Variants in KIN observed in about 807,000 individuals in gnomAD.
KIN encodes DNA/RNA-binding protein KIN17.
Under a neutral mutation model 63.0 loss-of-function variants are expected in KIN, and 47 were observed. The ratio of observed to expected loss-of-function variants is 0.75; its 90% CI spans 0.59 to 0.95. KIN has a LOEUF of 0.95. Ranked by LOEUF, KIN falls within the 40% of genes least tolerant of loss-of-function variation. The pLI is 0.00. For synonymous variants in KIN, 160 were observed against 157.7 expected, an observed-to-expected ratio of 1.01 and a Z score of -0.11; for missense variants, 408 against 460.9, an observed-to-expected ratio of 0.89 and a Z score of 1.05.
Position 7,756,959 on chromosome 10 carries a change from T to C in KIN, c.1120-817A>G, listed in dbSNP as rs956229077. The stretch of plus-strand genomic sequence containing the variant: ...AACCTGGGAACACAGAGGCTAAGAA[T>C]ATGGGCTGTGAACCTACACTCCCCA... On this transcript the variant is annotated intron_variant, in intron 12 of 12. Coordinates refer to ENST00000379562, the MANE Select transcript of KIN (RefSeq NM_012311.4). Among the ~76,000 whole-genome samples, 3 of 152,292 alleles carry C rather than the reference T, an allele frequency of 2.0e-5. No homozygotes were observed. The East Asian group carries it at 5.8e-4, about 29-fold the overall frequency.
chr10:7,760,904 C>T (rs1835424202), intron 11 of KIN, among the ~76,000 whole-genome samples: 2 of 152,294 alleles, frequency 1.3e-5, no homozygotes, highest in South Asian at 2.1e-4. Flanking sequence ...ACTACAGATA[C>T]GTTCCACCAC....
chr10:7,762,317 C>G (rs1564315435), intron 11 of KIN, 140 bp downstream of exon 11: 1 of 487,296 alleles, frequency 2.1e-6, no homozygotes, highest in Non-Finnish European at 3.6e-6. Flanking sequence ...TGAATCCAAA[C>G]AGAGATGAGT....
chr10:7,763,756 T>C lies in KIN; in HGVS notation c.885A>G (p.Gly295=), dbSNP rs779202394. ...TAGCCTTTTTCTTATGATATTTCTCTCCCAGTTTCTTGGTTATAATTTTCA... is the reference window on the plus strand; with the variant it reads ...TAGCCTTTTTCTTATGATATTTCTCCCCCAGTTTCTTGGTTATAATTTTCA... The part of the protein sequence containing the change: ...IIVKIITKKL[G]EKYHKKKAIV... The change falls in exon 10 of 13, where the codon GGA becomes GGG. Residue 295 remains glycine, a synonymous_variant. Transcript: ENST00000379562. 1 of 1,460,758 alleles carries C rather than the reference T, an allele frequency of 6.8e-7. No individual in the cohort carries two copies. 90.5% of individuals were successfully genotyped at this position (1,460,758 alleles called of 1,614,324 possible).
At chr10:7,769,378 G>A in intron 7 of KIN, 33 bp from the exon 8 acceptor site, 2 of 1,600,624 alleles carry the variant, frequency 1.2e-6, no homozygotes, top group Non-Finnish European at 1.7e-6. Flanking sequence ...TTGTTACCAA[G>A]AACCATACAC....
At chr10:7,785,012 G>A (rs1835970178) in intron 1 of KIN, among the ~76,000 whole-genome samples, 1 of 152,118 alleles carries the variant, frequency 6.6e-6, no homozygotes, top group South Asian at 2.1e-4. Context: ...CACTTTGGGA[G>A]GCCGAGGCAG....
chr10:7,762,398 G>T, intron 11 of KIN, 59 bp downstream of exon 11: 2 of 970,648 alleles, frequency 2.1e-6, no homozygotes, highest in Non-Finnish European at 1.6e-6. Context: ...ACAGTGGTTT[G>T]AAAATGGAAC....
At chr10:7,773,332 A>G (rs571334111) in intron 7 of KIN, among the ~76,000 whole-genome samples, 1 of 152,186 alleles carries the variant, frequency 6.6e-6, no homozygotes. Context: ...AAACTAATAC[A>G]AGGGAGGTCA....
chr10:7,783,179 C>T lies in KIN; in HGVS notation c.115-4G>A. 1 of 1,549,522 alleles carries T rather than the reference C, an allele frequency of 6.5e-7. No homozygotes were observed. The highest frequency in any genetic ancestry group is 8.8e-7 in the Non-Finnish European group (1 of 1,141,722). On this transcript the variant is annotated splice_polypyrimidine_tract_variant and splice_region_variant and intron_variant, in intron 1 of 12. Coordinates refer to ENST00000379562, the MANE Select transcript of KIN (RefSeq NM_012311.4). ...TACAATGACACTTAAAGCCATTCTA[C>T]AAAAAATGTAAAAGCAATAAATTCT...
chr10:7,759,850 A>C (rs762209113), intron 12 of KIN, 40 bp downstream of exon 12: 1 of 1,011,310 alleles, frequency 9.9e-7, no homozygotes. Flanking sequence ...CACATTTTTA[A>C]AGCATTTTGA....
chr10:7,785,517 G>A (rs1835983308), intron 1 of KIN, among the ~76,000 whole-genome samples: 1 of 152,104 alleles, frequency 6.6e-6, no homozygotes, highest in African/African-American at 2.4e-5. Context: ...AGACGGCTGG[G>A]CGCAGTGGTT....
intron 1 of KIN, 106 bp downstream of exon 1, chr10:7,787,713 CG>C: frequency 1.2e-6 from 1 of 846,454 alleles, no homozygotes. Context: ...CCTCACGACC[CG>C]GACCCCGGGA....
chr10:7,763,538 A>G (rs1835479522), intron 10 of KIN, among the ~76,000 whole-genome samples, 185 bp downstream of exon 10: 3 of 152,220 alleles, frequency 2.0e-5, no homozygotes, highest in Admixed American at 2.0e-4. Flanking sequence ...CTGAGTAGAA[A>G]CTATGGATGA....
intron 11 of KIN, 78 bp from the exon 12 acceptor site, chr10:7,760,068 C>T: frequency 1.5e-6 from 1 of 686,352 alleles, no homozygotes; most frequent in Non-Finnish European, 2.5e-6. Flanking sequence ...GCAAAATGTA[C>T]TACACTGAAT....
At chr10:7,787,770 G>T (rs1165332778) in intron 1 of KIN, 50 bp downstream of exon 1, 2 of 1,420,060 alleles carry the variant, frequency 1.4e-6, no homozygotes, top group South Asian at 2.3e-5. Flanking sequence ...CCTGATCCTG[G>T]ATTGCCAGGG....
At chr10:7,776,816 G>A (rs921065425) in intron 5 of KIN, among the ~76,000 whole-genome samples, 2 of 150,594 alleles carry the variant, frequency 1.3e-5, no homozygotes, top group African/African-American at 4.9e-5. Flanking sequence ...TTGGGAGGTC[G>A]AGCTCAGGCA....
intron 1 of KIN, among the ~76,000 whole-genome samples, chr10:7,787,239 C>T (rs1026475409): frequency 2.0e-5 from 3 of 152,200 alleles, no homozygotes; most frequent in Non-Finnish European, 4.4e-5. Flanking sequence ...TTGCCCAAGA[C>T]CACACGGTTG....
At chr10:7,780,356 A>G in intron 2 of KIN, 49 bp from the exon 3 acceptor site, 1 of 1,451,460 alleles carries the variant, frequency 6.9e-7, no homozygotes, top group East Asian at 2.3e-5. Flanking sequence ...ACAAACATAT[A>G]GCATCATCTT....
intron 7 of KIN, among the ~76,000 whole-genome samples, chr10:7,769,927 A>G (rs1475026496): frequency 1.3e-5 from 2 of 152,106 alleles, no homozygotes; most frequent in Non-Finnish European, 2.9e-5. Context: ...GCCCAGAGTT[A>G]ACAGTGTAAA....
chr10:7,752,570 AC>A lies in KIN; in HGVS notation c.*3509del, dbSNP rs955955721. 6.6e-6 allele frequency: 1 copy of A among 152,224 alleles called. No homozygotes were observed. Among genetic ancestry groups the A allele is most frequent in the Non-Finnish European group, 1.5e-5 (1 of 68,042 alleles). 9.4% of individuals were successfully genotyped at this position (152,224 alleles called of 1,614,324 possible). A position where few individuals can be genotyped will look rare whatever the true frequency, so the allele number is the denominator to read the frequency against. On this transcript the variant is annotated 3_prime_UTR_variant, in exon 13 of 13. Transcript: ENST00000379562. Reference sequence around the variant, plus strand: ...CCAGCAATTGTGCTCTTTGGTCGTTACGTAAATAAGTTGAAAACGTCTATCC... The same window carrying A: ...CCAGCAATTGTGCTCTTTGGTCGTTAGTAAATAAGTTGAAAACGTCTATCC...
Sources: allele counts gnomAD v4.1 joint callset (sites outside exome capture counted in the v4.1 genomes callset), GRCh38; gene constraint gnomAD v4.1.1; transcripts MANE v1.5; gene names NCBI Gene and HGNC (gene_info 2026-07-23, HGNC 2026-07-21).